Variants in NUCKS1 observed in about 807,000 individuals in gnomAD.
NUCKS1 encodes the protein nuclear ubiquitous casein and cyclin-dependent kinase substrate 1.
Under a neutral mutation model 33.0 loss-of-function variants are expected in NUCKS1, and 2 were observed. The ratio of observed to expected loss-of-function variants is 0.06; its 90% confidence interval spans 0.02 to 0.19. The LOEUF (loss-of-function observed/expected upper bound fraction) is 0.19. Ranked by LOEUF, NUCKS1 falls within the 10% of genes least tolerant of loss-of-function variation. The probability of loss-of-function intolerance (pLI) is 1.00; values close to 1 mark genes in which losing one functional copy is unlikely to be tolerated. For missense variants in NUCKS1, 201 were observed against 293.6 expected (o/e 0.68, Z 2.31); for synonymous variants, 106 against 102.8 (o/e 1.03, Z -0.19).
At position 205,717,558 on chromosome 1, in the gene NUCKS1, T is replaced by A. The variant is rs753557079; in HGVS notation, c.*722A>T. On this transcript the variant is annotated 3_prime_UTR_variant, in exon 7 of 7. Coordinates refer to ENST00000367142, the MANE Select transcript of NUCKS1 (RefSeq NM_022731.5). ...GGATAAAAGGATCACTGGCTCCGAG[T>A]CTCTTTGAGATAACAAGTGATGAAA... 2.0e-6 allele frequency: 2 copies of A among 984,538 alleles called. No individual in the cohort carries two copies. Among genetic ancestry groups the A allele is most frequent in the Non-Finnish European group, 2.4e-6 (2 of 829,948 alleles). The allele number at this position is 984,538 out of a possible 1,614,324, so 61.0% of individuals were successfully genotyped here.
intron 3 of NUCKS1, 138 bp from the exon 4 acceptor site, chr1:205,724,119 T>C: frequency 1.3e-6 from 1 of 744,002 alleles, no homozygotes. Flanking sequence ...TGCTAAGGAG[T>C]ACTTTATTTC....
intron 3 of NUCKS1, among the ~76,000 whole-genome samples, chr1:205,726,958 C>T (rs549451940): frequency 1.3e-4 from 19 of 151,936 alleles, no homozygotes; most frequent in South Asian, 8.3e-4. Flanking sequence ...ACAATATCCT[C>T]GTCTTGTTGT....
chr1:205,734,624 T>G (rs1248796924), intron 1 of NUCKS1, among the ~76,000 whole-genome samples: 2 of 152,230 alleles, frequency 1.3e-5, no homozygotes, highest in African/African-American at 4.8e-5. Context: ...CCGGGCTTGG[T>G]GGCTCACGCC....
rs1671852119 is a variant in NUCKS1 at position 205,717,846 on chromosome 1, CTA to C, written c.*432_*433del. The stretch of plus-strand genomic sequence containing the variant: ...GCAATCATTTTGAACTAAAATCTTT[CTA>C]TGTTTTTTGATTACTATTCAACTTG... On this transcript the variant is annotated 3_prime_UTR_variant, in exon 7 of 7. Transcript: ENST00000367142. The C allele has an allele frequency of 2.0e-6, 2 of 985,820 alleles. No individual in the cohort carries two copies. The highest frequency in any genetic ancestry group is 1.1e-4 in the East Asian group (1 of 8,810). 61.1% of individuals were successfully genotyped at this position (985,820 alleles called of 1,614,324 possible).
chr1:205,747,745 C>T (rs1224208272), intron 1 of NUCKS1, among the ~76,000 whole-genome samples: 1 of 152,166 alleles, frequency 6.6e-6, no homozygotes, highest in Admixed American at 6.5e-5. Flanking sequence ...ATGTCTATCA[C>T]TTTTTTCGTT....
chr1:205,744,793 T>C (rs1259079024), intron 1 of NUCKS1, among the ~76,000 whole-genome samples: 6 of 152,008 alleles, frequency 3.9e-5, no homozygotes, highest in African/African-American at 1.5e-4. Context: ...CCACCACGCC[T>C]GGCTAATTTT....
chr1:205,730,090 G>C (rs1290213655), intron 1 of NUCKS1, among the ~76,000 whole-genome samples: 3 of 152,024 alleles, frequency 2.0e-5, no homozygotes, highest in Admixed American at 6.6e-5. Flanking sequence ...GTGTCACTCT[G>C]TCGCCTAGGC....
chr1:205,742,092 G>T (rs1393891624), intron 1 of NUCKS1, among the ~76,000 whole-genome samples: 1 of 152,226 alleles, frequency 6.6e-6, no homozygotes, highest in Non-Finnish European at 1.5e-5. Flanking sequence ...TTATCCCAGT[G>T]TAAGAGATAG....
rs141913446 is a variant in NUCKS1 at position 205,717,900 on chromosome 1, C to G, written c.*380G>C. 489 of 990,124 alleles carry G rather than the reference C, an allele frequency of 4.9e-4. 6 individuals are homozygous for G. In the African/African-American group the frequency reaches 7.9e-3, roughly 16 times the overall value. 61.3% of individuals were successfully genotyped at this position (990,124 alleles called of 1,614,324 possible). A position where few individuals can be genotyped will look rare whatever the true frequency, so the allele number is the denominator to read the frequency against. ...TATTTTTTAGCAAAAAGCGAAGTTT[C>G]AATAGTGTTCATCTCAAATCTTATT... On this transcript the variant is annotated 3_prime_UTR_variant, in exon 7 of 7. Transcript: ENST00000367142.
chr1:205,726,252 C>T (rs927300720), intron 3 of NUCKS1, among the ~76,000 whole-genome samples: 4 of 152,128 alleles, frequency 2.6e-5, no homozygotes, highest in Non-Finnish European at 4.4e-5. Context: ...CATGGTGGCT[C>T]ACACTGTAAT....
At chr1:205,726,245 G>C (rs750942300) in intron 3 of NUCKS1, among the ~76,000 whole-genome samples, 3 of 152,138 alleles carry the variant, frequency 2.0e-5, no homozygotes, top group South Asian at 2.1e-4. Flanking sequence ...GGCCAGGCAT[G>C]GTGGCTCACA....
At chr1:205,727,289 A>G (rs544628964) in intron 3 of NUCKS1, among the ~76,000 whole-genome samples, 2 of 152,282 alleles carry the variant, frequency 1.3e-5, no homozygotes, top group African/African-American at 2.4e-5. Flanking sequence ...ATGAGGCAAA[A>G]TTATAGTTAA....
chr1:205,725,561 G>T (rs1293834368), intron 3 of NUCKS1, among the ~76,000 whole-genome samples: 1 of 152,104 alleles, frequency 6.6e-6, no homozygotes, highest in Non-Finnish European at 1.5e-5. Context: ...ACACAATGAT[G>T]AATTATATTA....
In NUCKS1 at chr1:205,713,278, T is replaced by C. The variant is rs959090525; in HGVS notation, c.*5002A>G. 6.6e-6 allele frequency: 1 copy of C among 151,936 alleles called. No homozygotes were observed. The highest frequency in any genetic ancestry group is 1.5e-5 in the Non-Finnish European group (1 of 67,980). The allele number at this position is 151,936 out of a possible 1,614,324, so 9.4% of individuals were successfully genotyped here. A position where few individuals can be genotyped will look rare whatever the true frequency, so the allele number is the denominator to read the frequency against. On this transcript the variant is annotated 3_prime_UTR_variant, in exon 7 of 7. Transcript: ENST00000367142. ...AAGAAAAAAAGATACAGAAAAAGAA[T>C]AACTTGCTTCATATGTCCCAAAAAG...
intron 3 of NUCKS1, among the ~76,000 whole-genome samples, chr1:205,725,102 G>A (rs1017074334): frequency 2.6e-5 from 4 of 152,182 alleles, no homozygotes; most frequent in Admixed American, 1.3e-4. Flanking sequence ...GGCTGGTGAT[G>A]AACTCCTGAG....
Position 205,718,159 on chromosome 1 carries a change from A to T in NUCKS1, c.*121T>A. The T allele has an allele frequency of 7.4e-7, 1 of 1,360,100 alleles. No individual in the cohort carries two copies. The highest frequency in any genetic ancestry group is 2.2e-5 in the South Asian group (1 of 45,470). The allele number at this position is 1,360,100 out of a possible 1,614,324, so 84.3% of individuals were successfully genotyped here. ...AAATGGAAAAAAGCACTGAAAGCCC[A>T]TGAGTCAAGCCATAGCCAAAACCAT... On this transcript the variant is annotated 3_prime_UTR_variant, in exon 7 of 7. Coordinates refer to ENST00000367142, the MANE Select transcript of NUCKS1 (RefSeq NM_022731.5).
At chr1:205,743,111 T>C (rs1654221043) in intron 1 of NUCKS1, among the ~76,000 whole-genome samples, 2 of 152,216 alleles carry the variant, frequency 1.3e-5, no homozygotes, top group African/African-American at 2.4e-5. Context: ...ACAACCTTCA[T>C]GTAGAATGCG....
intron 4 of NUCKS1, among the ~76,000 whole-genome samples, chr1:205,721,060 T>C (rs1415008675): frequency 1.5e-5 from 2 of 137,278 alleles, no homozygotes; most frequent in African/African-American, 2.8e-5. Flanking sequence ...AGCTGAACAA[T>C]GAGAACACAT....
Position 205,715,550 on chromosome 1 carries a change from T to A in NUCKS1, c.*2730A>T, listed in dbSNP as rs973412489. On this transcript the variant is annotated 3_prime_UTR_variant, in exon 7 of 7. Coordinates refer to ENST00000367142, the MANE Select transcript of NUCKS1 (RefSeq NM_022731.5). ...AAGCAGCAGCAGGTTACAGAAAGAC[T>A]GAATAAGATGAAAGTATGCTACGTA... 6.6e-6 allele frequency: 1 copy of A among 152,150 alleles called. No individual in the cohort carries two copies. Among genetic ancestry groups the A allele is most frequent in the African/African-American group, 2.4e-5 (1 of 41,432 alleles). The allele number at this position is 152,150 out of a possible 1,614,324, so 9.4% of individuals were successfully genotyped here.
Sources: allele counts gnomAD v4.1 joint callset (sites outside exome capture counted in the v4.1 genomes callset), GRCh38; gene constraint gnomAD v4.1.1; transcripts MANE v1.5; gene names NCBI Gene and HGNC (gene_info 2026-07-23, HGNC 2026-07-21).